ZMAT4: variants seen among roughly 807,000 people sequenced by gnomAD.
The protein encoded by ZMAT4 is zinc finger matrin-type protein 4.
In ZMAT4, 17 loss-of-function variants were observed where a neutral mutation model predicts 28.7. The observed-to-expected ratio is 0.59, with a 90% CI of 0.41 to 0.89. ZMAT4 has a LOEUF of 0.89. Among genes scored for constraint, ZMAT4 ranks in the 40% least tolerant of loss-of-function variants. ZMAT4 has a pLI of 0.00. For synonymous variants in ZMAT4, 117 were observed against 109.2 expected (o/e 1.07, Z -0.44); for missense variants, 240 against 283.8 (o/e 0.85, Z 1.11).
intron 3 of ZMAT4, among the ~76,000 whole-genome samples, chr8:40,720,865 A>G (rs1022654782): frequency 1.3e-5 from 2 of 151,604 alleles, no homozygotes; most frequent in African/African-American, 2.4e-5. Context: ...TTTTAGCACA[A>G]TCTGAGTAAG....
chr8:40,757,948 C>T (rs1387143329), intron 3 of ZMAT4, among the ~76,000 whole-genome samples: 2 of 152,242 alleles, frequency 1.3e-5, no homozygotes, highest in Non-Finnish European at 1.5e-5. Flanking sequence ...AGTCTCCCAG[C>T]CTAGTCTTTC....
chr8:40,704,115 C>T (rs531474698), intron 3 of ZMAT4, among the ~76,000 whole-genome samples: 5 of 152,330 alleles, frequency 3.3e-5, no homozygotes, highest in South Asian at 4.1e-4. Flanking sequence ...AATAACTGCA[C>T]CTCTCAGCAC....
intron 5 of ZMAT4, among the ~76,000 whole-genome samples, chr8:40,663,295 T>C (rs1434873930): frequency 2.0e-5 from 3 of 152,216 alleles, no homozygotes; most frequent in Admixed American, 2.0e-4. Flanking sequence ...GTCGTTTTTT[T>C]CTGTGTTCTC....
chr8:40,623,130 G>A (rs1019980003), intron 5 of ZMAT4, among the ~76,000 whole-genome samples: 1 of 152,154 alleles, frequency 6.6e-6, no homozygotes, highest in East Asian at 1.9e-4. Flanking sequence ...AATAAGGACA[G>A]TGCAAAGCAC....
intron 3 of ZMAT4, among the ~76,000 whole-genome samples, chr8:40,753,712 G>A (rs1394790388): frequency 6.6e-6 from 1 of 152,156 alleles, no homozygotes; most frequent in Non-Finnish European, 1.5e-5. Flanking sequence ...TCAGGTTCTA[G>A]AGCCAAACAG....
chr8:40,609,043 G>A (rs1442362195), intron 5 of ZMAT4, among the ~76,000 whole-genome samples: 6 of 152,204 alleles, frequency 3.9e-5, no homozygotes. Context: ...TCCACACACT[G>A]CTTTGTCTGT....
At chr8:40,682,277 C>G (rs1809205106) in intron 4 of ZMAT4, among the ~76,000 whole-genome samples, 1 of 152,150 alleles carries the variant, frequency 6.6e-6, no homozygotes, top group Admixed American at 6.5e-5. Flanking sequence ...ACAACCCAGT[C>G]TTAAATCTCA....
intron 5 of ZMAT4, among the ~76,000 whole-genome samples, chr8:40,589,726 C>T (rs1467801549): frequency 0.16 from 9,144 of 56,328 alleles, 610 homozygotes; most frequent in East Asian, 0.53. Flanking sequence ...CTTCCTTCTT[C>T]CTTTCCTTTC....
chr8:40,734,504 G>A lies in ZMAT4; in HGVS notation c.192+33137C>T, dbSNP rs540979445. 2.0e-5 allele frequency among the ~76,000 whole-genome samples: 3 copies of A among 152,304 alleles called. No homozygotes were observed. The South Asian group carries it at 6.2e-4, about 32-fold the overall frequency. ...TGTGAAGAGACTGCCCTGTGCCCTA[G>A]GTGAAAGATTCTGGAGATGGAAAAG... On this transcript the variant is annotated intron_variant, in intron 3 of 6. Transcript: ENST00000297737.
At chr8:40,740,231 G>T (rs1811942924) in intron 3 of ZMAT4, among the ~76,000 whole-genome samples, 1 of 152,110 alleles carries the variant, frequency 6.6e-6, no homozygotes, top group Admixed American at 6.5e-5. Context: ...CTTCCACAAT[G>T]GTTGAACTAA....
At chr8:40,793,446 C>T (rs1031818642) in intron 2 of ZMAT4, among the ~76,000 whole-genome samples, 3 of 147,518 alleles carry the variant, frequency 2.0e-5, no homozygotes, top group African/African-American at 7.3e-5. Context: ...CACGCTCCAT[C>T]GATTTTCCAA....
chr8:40,590,001 C>T (rs1256031084), intron 5 of ZMAT4, among the ~76,000 whole-genome samples: 2 of 123,322 alleles, frequency 1.6e-5, no homozygotes, highest in Non-Finnish European at 3.3e-5. Context: ...TCCTTCCTTC[C>T]TTCCTTCCTT....
rs188382620 is a variant in ZMAT4, at chr8:40,737,244, T to A, written c.192+30397A>T. ...TTTTTTTTTAGCTCGTCAGCTATCA[T>A]TAGTGTTACTGTAGTTTATGTGTGG... On this transcript the variant is annotated intron_variant, in intron 3 of 6. Coordinates refer to ENST00000297737, the MANE Select transcript of ZMAT4 (RefSeq NM_024645.3). Among the ~76,000 whole-genome samples the A allele has an allele frequency of 2.0e-5, 3 of 152,234 alleles. No homozygotes were observed. In the East Asian group the frequency reaches 5.8e-4, roughly 29 times the overall value.
At chr8:40,647,715 G>T (rs1225613066) in intron 5 of ZMAT4, among the ~76,000 whole-genome samples, 2 of 151,902 alleles carry the variant, frequency 1.3e-5, no homozygotes, top group Admixed American at 6.6e-5. Flanking sequence ...CTCCCAGCAC[G>T]CAGCTGGAGA....
chr8:40,678,461 G>A (rs1563406308), intron 4 of ZMAT4, among the ~76,000 whole-genome samples: 1 of 152,184 alleles, frequency 6.6e-6, no homozygotes, highest in Admixed American at 6.6e-5. Context: ...AGAATGGTGT[G>A]CTGACCTGTA....
chr8:40,836,135 C>T (rs1380236223), intron 1 of ZMAT4, among the ~76,000 whole-genome samples: 1 of 152,182 alleles, frequency 6.6e-6, no homozygotes, highest in Non-Finnish European at 1.5e-5. Flanking sequence ...ACACCCCCTA[C>T]TTTGGGATGC....
intron 2 of ZMAT4, among the ~76,000 whole-genome samples, chr8:40,775,871 C>T (rs1264747185): frequency 6.6e-6 from 1 of 152,050 alleles, no homozygotes; most frequent in Non-Finnish European, 1.5e-5. Flanking sequence ...ACTGATAGGA[C>T]CGGTGTCTTT....
At chr8:40,679,918 T>G (rs944359895) in intron 4 of ZMAT4, among the ~76,000 whole-genome samples, 4 of 152,184 alleles carry the variant, frequency 2.6e-5, no homozygotes, top group African/African-American at 7.2e-5. Context: ...TATGAGAGAC[T>G]AAAGAAATAT....
intron 1 of ZMAT4, among the ~76,000 whole-genome samples, chr8:40,872,115 C>G (rs1817878814): frequency 6.6e-6 from 1 of 152,318 alleles, no homozygotes; most frequent in Admixed American, 6.5e-5. Context: ...TCCAGGACCT[C>G]TGAGGTTGCA....
Sources: allele counts gnomAD v4.1 joint callset (sites outside exome capture counted in the v4.1 genomes callset), GRCh38; gene constraint gnomAD v4.1.1; transcripts MANE v1.5; gene names NCBI Gene and HGNC (gene_info 2026-07-23, HGNC 2026-07-21).